The following APOB variants were observed in gnomAD, a reference collection of about 807,000 sequenced individuals.
The protein encoded by APOB is apolipoprotein B, also known as apolipoprotein B-100.
In APOB, 153 loss-of-function variants were observed where a neutral mutation model predicts 314.1. That is an observed-to-expected ratio of 0.49 (90% CI 0.43 to 0.56). The LOEUF (loss-of-function observed/expected upper bound fraction) is 0.56. Ranked by LOEUF, APOB falls within the 20% of genes least tolerant of loss-of-function variation. The probability of loss-of-function intolerance (pLI) is 0.00; values close to 1 mark genes in which losing one functional copy is unlikely to be tolerated. For synonymous variants in APOB, 2,087 were observed against 2,036.4 expected (o/e 1.02, Z -0.67); for missense variants, 5,430 against 5,350.7 (o/e 1.01, Z -0.46).
At chr2:21,034,939 AG>A in intron 7 of APOB, 38 bp from the exon 8 acceptor site, 1 of 980,758 alleles carries the variant, frequency 1.0e-6, no homozygotes, top group South Asian at 1.3e-5. Context: ...ACGGATGGCC[AG>A]AACATACTAT....
At chr2:21,043,406 C>T in intron 2 of APOB, 107 bp downstream of exon 2, 2 of 1,347,150 alleles carry the variant, frequency 1.5e-6, no homozygotes, top group African/African-American at 1.4e-5. Context: ...GCAAGGCACA[C>T]CACGATGCCA....
chr2:21,012,485 C>A lies in APOB; in HGVS notation c.4383G>T (p.Trp1461Cys). The change falls in exon 26 of 29, where the codon TGG becomes TGT. Residue 1461 changes from tryptophan (W) to cysteine (C), a missense_variant. This residue lies in a region of APOB where 2,085 missense variants were observed against 2,079.7 expected (regional missense o/e 1.00). Coordinates refer to ENST00000233242, the MANE Select transcript of APOB (RefSeq NM_000384.3). ...GLLIFDASSS[W>C]GPQMSASVHL... is the part of the protein sequence containing the mutation. Reference sequence around the variant, plus strand: ...GAACTGAAGCAGACATCTGTGGTCCCCAGGAACTAGATGCATCGAATATTA... The same window carrying A: ...GAACTGAAGCAGACATCTGTGGTCCACAGGAACTAGATGCATCGAATATTA... 1 of 1,614,138 alleles carries A rather than the reference C, an allele frequency of 6.2e-7. No homozygotes were observed. The highest frequency in any genetic ancestry group is 8.5e-7 in the Non-Finnish European group (1 of 1,179,996).
Position 21,007,945 on chromosome 2 carries a change from C to T in APOB, c.8923G>A (p.Val2975Ile), listed in dbSNP as rs1411472370. Reference sequence around the variant, plus strand: ...AAGTTGAGGGAGCCAGATTCATAAACCAAGTTTTGGTTTACTCTTAGGTGT... The same window carrying T: ...AAGTTGAGGGAGCCAGATTCATAAATCAAGTTTTGGTTTACTCTTAGGTGT... Reference protein sequence around the residue: ...SKHLRVNQNLVYESGSLNFSK... With the variant: ...SKHLRVNQNLIYESGSLNFSK... The change falls in exon 26 of 29, where the codon GTT becomes ATT. Residue 2975 changes from valine (V) to isoleucine (I), a missense_variant. Physicochemically the swap from Val to Ile is conservative, Grantham distance 29 (BLOSUM62 3). Transcript: ENST00000233242. 1.2e-6 allele frequency: 2 copies of T among 1,614,038 alleles called. No homozygotes were observed. The highest frequency in any genetic ancestry group is 2.2e-5 in the East Asian group (1 of 44,878).
At chr2:21,022,024 T>A (rs1261650430) in intron 18 of APOB, among the ~76,000 whole-genome samples, 1 of 152,192 alleles carries the variant, frequency 6.6e-6, no homozygotes, top group Non-Finnish European at 1.5e-5. Flanking sequence ...GGTGCAAGCA[T>A]GGTTCACTGA....
chr2:21,013,679 C>G (rs573193307), intron 24 of APOB, 146 bp from the exon 25 acceptor site: 2 of 1,168,454 alleles, frequency 1.7e-6, no homozygotes, highest in African/African-American at 3.1e-5. Flanking sequence ...ATGCCTGGAC[C>G]CCTTTGCTTT....
chr2:21,023,013 G>A lies in APOB; in HGVS notation c.2634C>T (p.Ser878=), dbSNP rs372153434. The A allele has an allele frequency of 3.1e-6, 5 of 1,613,994 alleles. No individual in the cohort carries two copies. In the African/African-American group the frequency reaches 5.3e-5, roughly 17 times the overall value. Residue 878 remains serine (S), a synonymous_variant, in exon 18 of 29, where the codon TCC becomes TCT. Coordinates refer to ENST00000233242, the MANE Select transcript of APOB (RefSeq NM_000384.3). ...TATTTGTCACAAACTCCACAGACAC[G>A]GAGGGTTTTGCCACCAGTTCAGCCT... The part of the protein sequence containing the change: ...NMQAELVAKP[S]VSVEFVTNMG...
Position 21,007,580 on chromosome 2 carries a change from A to C in APOB, c.9288T>G (p.Tyr3096Ter). Reference sequence around the variant, plus strand: ...CAGCAGAGAAATTTTGGTTGTACTTATACTGATTGAACCTAGCACTTACTT... The same window carrying C: ...CAGCAGAGAAATTTTGGTTGTACTTCTACTGATTGAACCTAGCACTTACTT... The part of the protein sequence containing the change: ...SWQVSARFNQ[Y>*]KYNQNFSAGN... The change falls in exon 26 of 29, where the codon TAT becomes TAG. Residue 3096 changes from tyrosine (Y) to a stop codon, truncating the protein, a stop_gained. Transcript: ENST00000233242. LOFTEE classifies it high-confidence loss of function. 6.2e-7 allele frequency: 1 copy of C among 1,614,068 alleles called. No individual in the cohort carries two copies. Among genetic ancestry groups the C allele is most frequent in the Non-Finnish European group, 8.5e-7 (1 of 1,179,960 alleles).
In APOB at chr2:21,008,217, T is replaced by C. The variant is rs774909884; in HGVS notation, c.8651A>G (p.Asp2884Gly). 3 of 1,614,114 alleles carry C rather than the reference T, an allele frequency of 1.9e-6. No homozygotes were observed. The African/African-American group carries it at 4.0e-5, about 22-fold the overall frequency. The stretch of plus-strand genomic sequence containing the variant: ...TTTGTGGAAGTATTTAGTGTTGCTA[T>C]CCAGGGTAAGCTGATTGTTTATCTT... ...IVKINNQLTLDSNTKYFHKLN... is the reference protein window; with the variant it reads ...IVKINNQLTLGSNTKYFHKLN... The change falls in exon 26 of 29, where the codon GAT becomes GGT. Residue 2884 changes from aspartate to glycine, a missense_variant. Asp to Gly is a moderately conservative substitution (Grantham distance 94). Coordinates refer to ENST00000233242, the MANE Select transcript of APOB (RefSeq NM_000384.3).
At position 21,040,765 on chromosome 2, in the gene APOB, G is replaced by A. The variant is rs1367116; in HGVS notation, c.383+173C>T. ...TAATTAAAGGAACCTAACTAGGGAA[G>A]GTTAACTAATGCTTCTCTCTTTTTG... On this transcript the variant is annotated intron_variant, in intron 4 of 28. Coordinates refer to ENST00000233242, the MANE Select transcript of APOB (RefSeq NM_000384.3). 7.1e-4 allele frequency among the ~76,000 whole-genome samples: 108 copies of A among 152,326 alleles called. 3 individuals carry two copies. The South Asian group carries it at 0.022, about 32-fold the overall frequency.
chr2:21,027,080 A>G (rs2103374087), intron 14 of APOB, 116 bp from the exon 15 acceptor site: 2 of 923,046 alleles, frequency 2.2e-6, no homozygotes, highest in Non-Finnish European at 1.7e-6. Context: ...ACCACAGGCC[A>G]GGAGCTGACC....
intron 20 of APOB, 31 bp from the exon 21 acceptor site, chr2:21,016,680 G>C (rs1663474933): frequency 6.9e-7 from 1 of 1,442,434 alleles, no homozygotes; most frequent in Non-Finnish European, 9.8e-7. Flanking sequence ...ATCAAGAGAT[G>C]TGTGGTAAGA....
Position 21,006,606 on chromosome 2 carries a change from A to G in APOB, c.10262T>C (p.Met3421Thr), listed in dbSNP as rs755119833. Residue 3421 changes from methionine to threonine, a missense_variant, in exon 26 of 29, where the codon ATG (methionine) becomes ACG (threonine). Met to Thr is a moderately conservative substitution (Grantham distance 81, BLOSUM62 -1). This residue lies in a region of APOB where 3,281 missense variants were observed against 3,171.0 expected (regional missense o/e 1.03). Transcript: ENST00000233242. The part of the protein sequence containing the change: ...NSTVSLTTKN[M>T]EVSVATTTKA... The stretch of plus-strand genomic sequence containing the variant: ...TGTGGTTGTTGCCACTGACACTTCC[A>G]TATTTTTCGTGGTTAAGCTCACAGT... 24 of 1,614,100 alleles carry G rather than the reference A, an allele frequency of 1.5e-5. No homozygotes were observed. The South Asian group carries it at 2.6e-4, about 18-fold the overall frequency.
rs1278748798 is a variant in APOB, at chr2:21,005,835, G to A, written c.11033C>T (p.Pro3678Leu). 7 of 1,613,916 alleles carry A rather than the reference G, an allele frequency of 4.3e-6. No individual in the cohort carries two copies. The highest frequency in any genetic ancestry group is 1.6e-4 in the Middle Eastern group (1 of 6,080). Residue 3678 changes from proline to leucine, a missense_variant, in exon 26 of 29, where the codon CCA becomes CTA. This residue lies in a region of APOB where 3,281 missense variants were observed against 3,171.0 expected (regional missense o/e 1.03). Coordinates refer to ENST00000233242, the MANE Select transcript of APOB (RefSeq NM_000384.3). ...HLRFLKNIILPVYDKSLWDFL... is the reference protein window; with the variant it reads ...HLRFLKNIILLVYDKSLWDFL... The stretch of plus-strand genomic sequence containing the variant: ...ATCCCATAAGCTCTTGTCATAGACT[G>A]GTAGGATGATATTTTTGAGGAACCT...
rs749378172 is a variant in APOB, at chr2:21,007,386, A to G, written c.9482T>C (p.Phe3161Ser). 2 of 1,613,916 alleles carry G rather than the reference A, an allele frequency of 1.2e-6. No homozygotes were observed. The highest frequency in any genetic ancestry group is 2.7e-5 in the African/African-American group (2 of 74,912). Residue 3161 changes from phenylalanine to serine, a missense_variant, in exon 26 of 29, where the codon TTC becomes TCC. This residue lies in a region of APOB where 3,281 missense variants were observed against 3,171.0 expected (regional missense o/e 1.03). Transcript: ENST00000233242. Reference protein sequence around the residue: ...SLWEKTGLKEFLKTTKQSFDL... With the variant: ...SLWEKTGLKESLKTTKQSFDL... ...AAATGATTGCTTTGTCGTTTTCAAGAATTCCTTCAAGCCTGTTTTTTCCCA... is the reference window on the plus strand; with the variant it reads ...AAATGATTGCTTTGTCGTTTTCAAGGATTCCTTCAAGCCTGTTTTTTCCCA...
At chr2:21,004,243 C>T (rs771175821) in intron 28 of APOB, 26 bp downstream of exon 28, 120 of 1,611,550 alleles carry the variant, frequency 7.4e-5, no homozygotes, top group Admixed American at 1.5e-4. Flanking sequence ...CTCTTGGGGG[C>T]GTGTCACTCA....
Position 21,002,022 on chromosome 2 carries a change from G to A in APOB, c.13400C>T (p.Ala4467Val), listed in dbSNP as rs1261830666. Residue 4467 changes from alanine (A) to valine (V), a missense_variant, in exon 29 of 29, where the codon GCA becomes GTA. By Grantham distance (64) the Ala-to-Val change is moderately conservative. Around this residue, in one of 3 missense-constraint regions of APOB, gnomAD observed 3,281 missense variants for 3,171.0 expected, o/e 1.03. Coordinates refer to ENST00000233242, the MANE Select transcript of APOB (RefSeq NM_000384.3). ...TTCCTGAGCAGTGGCAGAAAGCTCT[G>A]CAATCTTCTCTTTCCCTTTTCCATC... ...DPDGKGKEKI[A>V]ELSATAQEII... 6.2e-7 allele frequency: 1 copy of A among 1,613,832 alleles called. No homozygotes were observed. The highest frequency in any genetic ancestry group is 1.7e-5 in the Admixed American group (1 of 59,984).
chr2:21,009,008 G>A lies in APOB; in HGVS notation c.7860C>T (p.Pro2620=), dbSNP rs773694027. The change falls in exon 26 of 29, where the codon CCC becomes CCT. Residue 2620 remains proline, a synonymous_variant. Coordinates refer to ENST00000233242, the MANE Select transcript of APOB (RefSeq NM_000384.3). ...ATFQTPDFIV[P]LTDLRIPSVQ... is the part of the protein sequence containing the mutation. ...CTGATGGAATCCTCAAATCTGTTAG[G>A]GGGACTATAAAATCAGGTGTCTGGA... 2.5e-6 allele frequency: 4 copies of A among 1,613,850 alleles called. No homozygotes were observed. The South Asian group carries it at 4.4e-5, about 18-fold the overall frequency.
Position 21,002,677 on chromosome 2 carries a change from G to A in APOB, c.12745C>T (p.Leu4249=). Residue 4249 remains leucine (L), a synonymous_variant, in exon 29 of 29, where the codon CTA becomes TTA. Coordinates refer to ENST00000233242, the MANE Select transcript of APOB (RefSeq NM_000384.3). ...AACTCGAAAGGAAGTGTAATCACTA[G>A]GTCTTGGAAATAGGAAAACAGTATT... ...SEILFSYFQD[L]VITLPFELRK... 1 of 1,613,762 alleles carries A rather than the reference G, an allele frequency of 6.2e-7. No individual in the cohort carries two copies. Among genetic ancestry groups the A allele is most frequent in the Non-Finnish European group, 8.5e-7 (1 of 1,179,868 alleles).
chr2:21,003,285 C>T lies in APOB; in HGVS notation c.12137G>A (p.Arg4046Gln), dbSNP rs149273387. Residue 4046 changes from arginine to glutamine, a missense_variant, in exon 29 of 29, where the codon CGG (arginine) becomes CAG (glutamine). This residue lies in a region of APOB where 3,281 missense variants were observed against 3,171.0 expected (regional missense o/e 1.03). Transcript: ENST00000233242. ...GATCTGAGTTTCCTCATCAGATTCC[C>T]GGACCCTCAACTCAGTTTTGAATAT... ...LTIFKTELRV[R>Q]ESDEETQIKV... is the part of the protein sequence containing the mutation. The T allele has an allele frequency of 3.2e-5, 51 of 1,613,534 alleles. No individual in the cohort carries two copies. The Middle Eastern group carries it at 6.6e-4, about 21-fold the overall frequency.
Sources: allele counts gnomAD v4.1 joint callset (sites outside exome capture counted in the v4.1 genomes callset), GRCh38; gene constraint gnomAD v4.1.1; regional missense constraint gnomAD v4.1.1; transcripts MANE v1.5; gene names NCBI Gene and HGNC (gene_info 2026-07-23, HGNC 2026-07-21).